Variants in DNAAF11 observed in about 807,000 individuals in gnomAD.
DNAAF11 encodes the protein dynein axonemal assembly factor 11, also known as leucine rich repeat containing 6.
In DNAAF11, 45 loss-of-function variants were observed where a neutral mutation model predicts 60.8. The ratio of observed to expected loss-of-function variants is 0.74; its 90% confidence interval spans 0.58 to 0.95. The LOEUF is 0.95. DNAAF11 is among the 40% of genes least tolerant of loss of function. The pLI is 0.00. For synonymous variants in DNAAF11, 191 were observed against 183.5 expected (o/e 1.04, Z -0.33); for missense variants, 546 against 546.2 (o/e 1.00, Z 0.00).
At chr8:132,646,389 A>C (rs1336032088) in intron 3 of DNAAF11, among the ~76,000 whole-genome samples, 1 of 152,242 alleles carries the variant, frequency 6.6e-6, no homozygotes, top group African/African-American at 2.4e-5. Flanking sequence ...AACATGCCAA[A>C]TTTTAAAGAC....
chr8:132,661,309 G>C, intron 2 of DNAAF11, 151 bp downstream of exon 2: 1 of 643,174 alleles, frequency 1.6e-6, no homozygotes, highest in Non-Finnish European at 2.6e-6. Flanking sequence ...TCAGGGAAAC[G>C]CCCCCCACAC....
intron 3 of DNAAF11, among the ~76,000 whole-genome samples, chr8:132,651,077 C>T (rs1005391235): frequency 6.6e-6 from 1 of 152,150 alleles, no homozygotes; most frequent in African/African-American, 2.4e-5. Flanking sequence ...GAGTCCCAGC[C>T]TCTATCTCCT....
At chr8:132,611,593 CT>C (rs1425758466) in intron 8 of DNAAF11, among the ~76,000 whole-genome samples, 5 of 152,144 alleles carry the variant, frequency 3.3e-5, no homozygotes, top group South Asian at 2.1e-4. Flanking sequence ...TTGATTGCCC[CT>C]AACCCAAAAA....
At chr8:132,591,129 A>T (rs1404979114) in intron 10 of DNAAF11, among the ~76,000 whole-genome samples, 1 of 152,222 alleles carries the variant, frequency 6.6e-6, no homozygotes, top group East Asian at 1.9e-4. Context: ...CATAATGTAC[A>T]TTTTAAGGCT....
chr8:132,700,075 G>C, the DNAAF11 span, among the ~76,000 whole-genome samples: 1 of 152,090 alleles, frequency 6.6e-6, no homozygotes, highest in Admixed American at 6.5e-5. Context: ...AAATGACGCT[G>C]AATTGTATAC....
chr8:132,610,112 C>G (rs933643278), intron 10 of DNAAF11, 54 bp downstream of exon 10: 2 of 1,287,232 alleles, frequency 1.6e-6, no homozygotes, highest in African/African-American at 2.9e-5. Context: ...AGGTCAAGTT[C>G]CTTCAGGAAC....
intron 7 of DNAAF11, among the ~76,000 whole-genome samples, chr8:132,621,107 A>G (rs1193078130): frequency 6.6e-6 from 1 of 152,158 alleles, no homozygotes; most frequent in Non-Finnish European, 1.5e-5. Context: ...CAGGGGTGCT[A>G]TATCTAGATG....
chr8:132,606,022 C>T (rs1818095108), intron 10 of DNAAF11, among the ~76,000 whole-genome samples: 1 of 152,118 alleles, frequency 6.6e-6, no homozygotes, highest in Non-Finnish European at 1.5e-5. Context: ...GTCTGATTTA[C>T]ATATACAGTC....
At chr8:132,701,524 C>A in the DNAAF11 span, among the ~76,000 whole-genome samples, 1 of 152,146 alleles carries the variant, frequency 6.6e-6, no homozygotes, top group Non-Finnish European at 1.5e-5. Flanking sequence ...GAGTTGTCTA[C>A]ATCTTGACTG....
intron 3 of DNAAF11, among the ~76,000 whole-genome samples, chr8:132,651,806 G>A (rs1823044205): frequency 6.6e-6 from 1 of 152,114 alleles, no homozygotes; most frequent in Non-Finnish European, 1.5e-5. Flanking sequence ...TGGACATACA[G>A]TAAATTTTAT....
the DNAAF11 span, among the ~76,000 whole-genome samples, chr8:132,688,326 C>T: frequency 6.6e-6 from 1 of 152,164 alleles, no homozygotes; most frequent in Non-Finnish European, 1.5e-5. Context: ...GAGGACATAT[C>T]TTGGCTCTGC....
At chr8:132,582,710 A>G (rs1195825681) in intron 11 of DNAAF11, among the ~76,000 whole-genome samples, 1 of 152,254 alleles carries the variant, frequency 6.6e-6, no homozygotes, top group East Asian at 1.9e-4. Flanking sequence ...GTCTTTGAAT[A>G]TACCAATGCC....
At chr8:132,573,776 C>T (rs1274346790) in intron 11 of DNAAF11, among the ~76,000 whole-genome samples, 1 of 152,176 alleles carries the variant, frequency 6.6e-6, no homozygotes, top group Non-Finnish European at 1.5e-5. Context: ...TTTCTGTAAT[C>T]TGCCTAGTCC....
At chr8:132,700,807 A>G in the DNAAF11 span, among the ~76,000 whole-genome samples, 4 of 152,216 alleles carry the variant, frequency 2.6e-5, no homozygotes, top group East Asian at 7.7e-4. Context: ...AAATGTATGG[A>G]CTGAGGAGGA....
chr8:132,584,562 T>C (rs1195606120), intron 10 of DNAAF11, among the ~76,000 whole-genome samples: 1 of 152,090 alleles, frequency 6.6e-6, no homozygotes, highest in Non-Finnish European at 1.5e-5. Context: ...GCAGGAGAAG[T>C]TTAAAAACTC....
chr8:132,687,498 A>G, the DNAAF11 span: 1 of 405,910 alleles, frequency 2.5e-6, no homozygotes. Flanking sequence ...TCCCAGAGCA[A>G]GGGTTGCCTC....
intron 10 of DNAAF11, among the ~76,000 whole-genome samples, chr8:132,594,279 T>C (rs931316527): frequency 3.9e-5 from 6 of 152,154 alleles, no homozygotes; most frequent in Admixed American, 1.3e-4. Flanking sequence ...CACATTTAGA[T>C]AGGTAAAGAC....
chr8:132,641,102 T>C (rs901389520), intron 3 of DNAAF11, among the ~76,000 whole-genome samples: 1 of 151,998 alleles, frequency 6.6e-6, no homozygotes, highest in African/African-American at 2.4e-5. Flanking sequence ...CTAATAAATA[T>C]AAAAGGAATG....
In DNAAF11 at chr8:132,578,324, G is replaced by T. The variant is rs1026644933; in HGVS notation, c.1226+5370C>A. 1.7e-5 allele frequency: 11 copies of T among 652,168 alleles called. No homozygotes were observed. In the East Asian group the frequency reaches 3.2e-4, roughly 19 times the overall value. 40.4% of individuals were successfully genotyped at this position (652,168 alleles called of 1,614,324 possible). A position where few individuals can be genotyped will look rare whatever the true frequency, so the allele number is the denominator to read the frequency against. On this transcript the variant is annotated intron_variant, in intron 11 of 11. Coordinates refer to ENST00000620350, the MANE Select transcript of DNAAF11 (RefSeq NM_012472.6). ...GATTTTAATTACTCATGGATCTCTG[G>T]AGTCAAAAACAGTAAGCAGCTAAGC...
Sources: gnomAD v4.1 joint callset for allele counts (sites outside exome capture counted in the v4.1 genomes callset) on GRCh38, gnomAD v4.1.1 for gene constraint, MANE v1.5 for transcripts, NCBI Gene and HGNC (gene_info 2026-07-23, HGNC 2026-07-21) for gene names.